AKAP7: variants seen among roughly 807,000 people sequenced by gnomAD.
AKAP7 encodes the protein A kinase (PRKA) anchor protein 7.
In AKAP7, 39 loss-of-function variants were observed where a neutral mutation model predicts 39.5. That is an observed-to-expected ratio of 0.99 (90% CI 0.76 to 1.29). The LOEUF is 1.29. AKAP7 is among the 50% of genes most tolerant of loss of function. AKAP7 has a pLI of 0.00. For missense variants in AKAP7, 414 were observed against 407.7 expected, an observed-to-expected ratio of 1.02 and a Z score of -0.13; for synonymous variants, 140 against 139.1, an observed-to-expected ratio of 1.01 and a Z score of -0.05.
At chr6:131,276,267 A>G (rs1453896912) in intron 7 of AKAP7, among the ~76,000 whole-genome samples, 1 of 152,124 alleles carries the variant, frequency 6.6e-6, no homozygotes, top group African/African-American at 2.4e-5. Context: ...TCTGGTGTGT[A>G]TGTGTTGGGG....
chr6:131,170,724 GAT>G (rs1803968065), intron 5 of AKAP7, among the ~76,000 whole-genome samples: 1 of 152,150 alleles, frequency 6.6e-6, no homozygotes, highest in Non-Finnish European at 1.5e-5. Context: ...GTGTTCTTAA[GAT>G]ATTTGTGATA....
chr6:131,162,695 T>G (rs912201074), intron 3 of AKAP7, among the ~76,000 whole-genome samples: 3 of 152,204 alleles, frequency 2.0e-5, no homozygotes, highest in South Asian at 2.1e-4. Context: ...TACCCTTCCT[T>G]GGGCTTGCCA....
At chr6:131,264,232 A>G (rs1187097573) in intron 7 of AKAP7, among the ~76,000 whole-genome samples, 2 of 152,204 alleles carry the variant, frequency 1.3e-5, no homozygotes, top group Admixed American at 6.5e-5. Context: ...TGTGCTTAAC[A>G]TGTGTTCTCA....
chr6:131,178,303 C>G (rs1218273899), intron 5 of AKAP7, among the ~76,000 whole-genome samples: 1 of 152,166 alleles, frequency 6.6e-6, no homozygotes, highest in East Asian at 1.9e-4. Context: ...TTTATTTGTG[C>G]AATGGGCATA....
rs532745569 is a variant in AKAP7 at position 131,174,945 on chromosome 6, G to A, written c.589+5672G>A. ...AGTCAGAATTCCCCATGTAACTTTC[G>A]ACTCCTCCAGAAGTTTACTACTAAT... is the stretch of plus-strand genomic sequence containing the variant. On this transcript the variant is annotated intron_variant, in intron 5 of 7. Transcript: ENST00000431975. Among the ~76,000 whole-genome samples the A allele has an allele frequency of 2.6e-5, 4 of 151,094 alleles. No homozygotes were observed. The East Asian group carries it at 5.8e-4, about 22-fold the overall frequency.
chr6:131,165,189 C>G lies in AKAP7; in HGVS notation c.400C>G (p.Gln134Glu). ...GSFHITLLVM[Q>E]LLNEDEVNIG... ...CTTTCATATTACCCTGCTGGTGATG[C>G]AATTATTAAATGAAGATGAAGTAAA... The change falls in exon 4 of 8, where the codon CAA becomes GAA. Residue 134 changes from glutamine to glutamate, a missense_variant. Coordinates refer to ENST00000431975, the MANE Select transcript of AKAP7 (RefSeq NM_016377.4). 1 of 1,607,566 alleles carries G rather than the reference C, an allele frequency of 6.2e-7. No individual in the cohort carries two copies. The highest frequency in any genetic ancestry group is 2.2e-5 in the East Asian group (1 of 44,760).
intron 6 of AKAP7, among the ~76,000 whole-genome samples, chr6:131,218,926 C>T (rs1809443963): frequency 6.6e-6 from 1 of 152,104 alleles, no homozygotes; most frequent in Non-Finnish European, 1.5e-5. Context: ...ATCCAACTTA[C>T]TTTTTAAAGA....
chr6:131,152,056 A>G (rs1456667074), intron 2 of AKAP7, among the ~76,000 whole-genome samples: 2 of 152,080 alleles, frequency 1.3e-5, no homozygotes, highest in Middle Eastern at 3.2e-3. Flanking sequence ...TAAAAAAACA[A>G]ATACACGAAT....
chr6:131,241,649 G>A (rs948580454), intron 7 of AKAP7, among the ~76,000 whole-genome samples: 2 of 94,658 alleles, frequency 2.1e-5, no homozygotes, highest in Non-Finnish European at 5.0e-5. Context: ...GACAGTTATA[G>A]GATTCAGTGG....
intron 3 of AKAP7, chr6:131,164,342 T>A (rs1233910431): frequency 2.2e-6 from 1 of 454,826 alleles, no homozygotes; most frequent in East Asian, 6.9e-5. Context: ...TTGACTAGAA[T>A]TGCATCTAAC....
In AKAP7 at chr6:131,199,548, C is replaced by G. The variant is rs755238606; in HGVS notation, c.677C>G (p.Ser226Ter). The G allele has an allele frequency of 1.2e-6, 2 of 1,609,738 alleles. No individual in the cohort carries two copies. Residue 226 changes from serine to a stop codon, truncating the protein, a stop_gained, in exon 6 of 8, where the codon TCA (serine) becomes TGA (stop). Coordinates refer to ENST00000431975, the MANE Select transcript of AKAP7 (RefSeq NM_016377.4). LOFTEE classifies it high-confidence loss of function. ...FKPHLTFMKL[S>*]KSPWLRKNGV... ...CCTCATTTGACCTTCATGAAGTTGT[C>G]AAAATCACCGTGGCTCCGTAAGAAT...
intron 3 of AKAP7, among the ~76,000 whole-genome samples, chr6:131,162,354 C>A (rs1169175271): frequency 6.6e-6 from 1 of 152,180 alleles, no homozygotes; most frequent in Non-Finnish European, 1.5e-5. Context: ...CCTCTCTACC[C>A]CTGTAAAGTT....
chr6:131,254,704 A>G (rs1347830183), intron 7 of AKAP7, among the ~76,000 whole-genome samples: 2 of 152,212 alleles, frequency 1.3e-5, no homozygotes, highest in African/African-American at 4.8e-5. Context: ...TAAGGGGAGA[A>G]TGGACTTGCT....
chr6:131,237,618 T>G (rs963038199), intron 7 of AKAP7, among the ~76,000 whole-genome samples: 3 of 152,224 alleles, frequency 2.0e-5, no homozygotes, highest in Admixed American at 6.5e-5. Flanking sequence ...TTCAACTTCT[T>G]CCTGGTTTAG....
At chr6:131,143,694 A>G (rs564804062) in intron 1 of AKAP7, among the ~76,000 whole-genome samples, 356 of 150,976 alleles carry the variant, frequency 2.4e-3, no homozygotes, top group Non-Finnish European at 4.3e-3. Context: ...TTTGGCTTGT[A>G]TGTTAACTGT....
chr6:131,201,660 C>G (rs202061893), intron 6 of AKAP7, among the ~76,000 whole-genome samples: 3 of 152,192 alleles, frequency 2.0e-5, no homozygotes, highest in Admixed American at 6.5e-5. Context: ...GACATGAAGT[C>G]CTTGCCCATG....
intron 5 of AKAP7, among the ~76,000 whole-genome samples, chr6:131,195,247 A>T (rs530298236): frequency 2.0e-4 from 31 of 152,154 alleles, no homozygotes; most frequent in African/African-American, 7.5e-4. Context: ...AAATATTATA[A>T]CTCATTATTT....
intron 2 of AKAP7, among the ~76,000 whole-genome samples, chr6:131,155,367 T>G (rs1410564455): frequency 6.6e-6 from 1 of 152,218 alleles, no homozygotes; most frequent in Non-Finnish European, 1.5e-5. Context: ...AAATAATGTT[T>G]GCTTGTCTTG....
intron 7 of AKAP7, among the ~76,000 whole-genome samples, chr6:131,252,551 T>C (rs1812524652): frequency 6.6e-6 from 1 of 152,220 alleles, no homozygotes; most frequent in East Asian, 1.9e-4. Flanking sequence ...TACAGGATGG[T>C]CTAAAGATAG....
Sources: allele counts gnomAD v4.1 joint callset (sites outside exome capture counted in the v4.1 genomes callset), GRCh38; gene constraint gnomAD v4.1.1; transcripts MANE v1.5; gene names NCBI Gene and HGNC (gene_info 2026-07-23, HGNC 2026-07-21).